The following FUT8 variants were observed in gnomAD, a reference collection of about 807,000 sequenced individuals.
FUT8 encodes alpha-(1,6)-fucosyltransferase.
FUT8 carries 29 observed loss-of-function variants against 71.3 expected under a neutral mutation model. The ratio of observed to expected loss-of-function variants is 0.41; its 90% CI spans 0.30 to 0.55. The LOEUF (loss-of-function observed/expected upper bound fraction) is 0.55. FUT8 is among the 20% of genes least tolerant of loss of function. The pLI is 0.34. For missense variants in FUT8, 544 were observed against 702.1 expected, an observed-to-expected ratio of 0.77 and a Z score of 2.55; for synonymous variants, 254 against 239.3, an observed-to-expected ratio of 1.06 and a Z score of -0.57.
chr14:65,400,349 T>G, the FUT8 span, among the ~76,000 whole-genome samples: 1 of 152,208 alleles, frequency 6.6e-6, no homozygotes, highest in Admixed American at 6.5e-5. Context: ...TGATATTTCT[T>G]AAGTTGTTAT....
At chr14:65,453,936 C>T (rs1270614888) in intron 1 of FUT8, among the ~76,000 whole-genome samples, 1 of 152,168 alleles carries the variant, frequency 6.6e-6, no homozygotes, top group African/African-American at 2.4e-5. Context: ...TTGAATTTCC[C>T]TCTTGGCAAT....
Position 65,627,300 on chromosome 14 carries a change from GC to G in FUT8, c.483-2191del, listed in dbSNP as rs1469098718. 6.6e-6 allele frequency among the ~76,000 whole-genome samples: 1 copy of G among 152,182 alleles called. No homozygotes were observed. The highest frequency in any genetic ancestry group is 1.5e-5 in the Non-Finnish European group (1 of 68,038). On this transcript the variant is annotated intron_variant, in intron 5 of 10. Transcript: ENST00000673929. The surrounding 1 kb of genome is among the most constrained non-coding windows in gnomAD (Gnocchi z 4.0). ...AGTGAATCCATACGGGCCTGCAGCA[GC>G]TCGATTCTTGCTTCCTTGGAGGAAA...
chr14:65,664,119 A>G (rs1892096652), intron 6 of FUT8, among the ~76,000 whole-genome samples: 1 of 151,986 alleles, frequency 6.6e-6, no homozygotes, highest in Admixed American at 6.6e-5. Flanking sequence ...TATGAGGGAC[A>G]TTTTCTTTTT....
At chr14:65,527,516 C>A (rs1051571114) in intron 2 of FUT8, among the ~76,000 whole-genome samples, 2 of 152,156 alleles carry the variant, frequency 1.3e-5, no homozygotes, top group Non-Finnish European at 2.9e-5. Flanking sequence ...TGAACTTCCT[C>A]CTTTAGCTTG....
At chr14:65,678,139 C>G (rs1892857552) in intron 7 of FUT8, among the ~76,000 whole-genome samples, 1 of 152,184 alleles carries the variant, frequency 6.6e-6, no homozygotes. Flanking sequence ...ATTATTACCA[C>G]TTTAGTTTTA....
chr14:65,540,055 G>A (rs1884584217), intron 2 of FUT8, among the ~76,000 whole-genome samples: 9 of 152,146 alleles, frequency 5.9e-5, no homozygotes, highest in Admixed American at 5.9e-4. Context: ...GTATTGTTTA[G>A]AATTGGCCAC....
intron 2 of FUT8, among the ~76,000 whole-genome samples, chr14:65,531,076 A>C: frequency 6.6e-6 from 1 of 151,490 alleles, no homozygotes; most frequent in African/African-American, 2.4e-5. Context: ...AATTCCTTCA[A>C]GTAGCTTAAA....
chr14:65,506,278 TA>T (rs1167438041), intron 2 of FUT8, among the ~76,000 whole-genome samples: 1 of 152,180 alleles, frequency 6.6e-6, no homozygotes, highest in East Asian at 1.9e-4. Context: ...GCCAGAAATA[TA>T]AAAAGTAATA....
At position 65,484,689 on chromosome 14, in the gene FUT8, T is replaced by A. The variant is rs193263496; in HGVS notation, c.-228+28971T>A. 4.6e-5 allele frequency among the ~76,000 whole-genome samples: 7 copies of A among 152,008 alleles called. No individual in the cohort carries two copies. In the East Asian group the frequency reaches 7.7e-4, roughly 17 times the overall value. Reference sequence around the variant, plus strand: ...GCCCTGTCTCAAAAAAATAAAAAAATTTGTTAATATGGTGGATTACATTGC... The same window carrying A: ...GCCCTGTCTCAAAAAAATAAAAAAAATTGTTAATATGGTGGATTACATTGC... On this transcript the variant is annotated intron_variant, in intron 2 of 10. Coordinates refer to ENST00000673929, the MANE Select transcript of FUT8 (RefSeq NM_001371533.1).
chr14:65,429,967 A>C (rs1280669058), intron 1 of FUT8, among the ~76,000 whole-genome samples: 1 of 151,698 alleles, frequency 6.6e-6, no homozygotes, highest in Non-Finnish European at 1.5e-5. Context: ...GCGTTATGGA[A>C]ATAAATGTAG....
At chr14:65,416,305 A>G (rs770491336) in intron 1 of FUT8, among the ~76,000 whole-genome samples, 1 of 151,250 alleles carries the variant, frequency 6.6e-6, no homozygotes, top group East Asian at 1.9e-4. Flanking sequence ...AAGTATTACT[A>G]TTATGGTACC....
chr14:65,618,263 T>G (rs1402570060), intron 5 of FUT8, among the ~76,000 whole-genome samples: 1 of 151,758 alleles, frequency 6.6e-6, no homozygotes, highest in Non-Finnish European at 1.5e-5. Context: ...TTTATATAAC[T>G]CGCATATGTT....
At chr14:65,693,162 G>A (rs1249760958) in intron 7 of FUT8, among the ~76,000 whole-genome samples, 1 of 152,208 alleles carries the variant, frequency 6.6e-6, no homozygotes, top group Non-Finnish European at 1.5e-5. Flanking sequence ...AGGCGGCTGG[G>A]AGGTGGAGGT....
At chr14:65,421,038 C>T (rs1306856788) in intron 1 of FUT8, among the ~76,000 whole-genome samples, 1 of 151,910 alleles carries the variant, frequency 6.6e-6, no homozygotes, top group East Asian at 1.9e-4. Flanking sequence ...ACTAAAAATA[C>T]AAAAATTAGC....
intron 3 of FUT8, among the ~76,000 whole-genome samples, chr14:65,584,180 T>C (rs1594789015): frequency 1.4e-4 from 1 of 7,076 alleles, no homozygotes; most frequent in African/African-American, 2.2e-4. Context: ...ACGCCCAGCC[T>C]TTTTTTTTTT....
At chr14:65,404,703 G>A in the FUT8 span, among the ~76,000 whole-genome samples, 17 of 151,916 alleles carry the variant, frequency 1.1e-4, no homozygotes, top group East Asian at 3.1e-3. Flanking sequence ...TCGATCTCTT[G>A]ACCTCGTGAT....
chr14:65,645,080 A>T (rs1294123983), intron 6 of FUT8, among the ~76,000 whole-genome samples: 2 of 152,260 alleles, frequency 1.3e-5, no homozygotes, highest in Non-Finnish European at 2.9e-5. Flanking sequence ...ACCTTGGCTG[A>T]AATTACGTGC....
intron 3 of FUT8, among the ~76,000 whole-genome samples, chr14:65,570,904 A>G (rs1388085799): frequency 6.6e-6 from 1 of 152,146 alleles, no homozygotes; most frequent in Non-Finnish European, 1.5e-5. Context: ...CCCAGCAGCC[A>G]TATTTCAACC....
intron 3 of FUT8, among the ~76,000 whole-genome samples, chr14:65,575,252 C>G (rs1466602426): frequency 1.3e-5 from 2 of 151,966 alleles, no homozygotes; most frequent in Non-Finnish European, 2.9e-5. Context: ...CTCCTTTCTT[C>G]CTTCCTTTTC....
Sources: allele counts gnomAD v4.1 joint callset (sites outside exome capture counted in the v4.1 genomes callset), GRCh38; gene constraint gnomAD v4.1.1; non-coding constraint Gnocchi (gnomAD v3.1); transcripts MANE v1.5; gene names NCBI Gene and HGNC (gene_info 2026-07-23, HGNC 2026-07-21).